The following EEA1 variants were observed in gnomAD, a reference collection of about 807,000 sequenced individuals.
The protein encoded by EEA1 is early endosome antigen 1, also known as early endosome antigen 1, 162kD.
A neutral mutation model predicts 209.2 loss-of-function variants in EEA1; 111 were observed. The ratio of observed to expected loss-of-function variants is 0.53; its 90% CI spans 0.45 to 0.62. The LOEUF is 0.62. EEA1 is among the 20% of genes least tolerant of loss of function. The pLI, the probability that EEA1 is intolerant of heterozygous loss-of-function variation, is 0.00. For synonymous variants in EEA1, 536 were observed against 540.6 expected, an observed-to-expected ratio of 0.99 and a Z score of 0.12; for missense variants, 1,343 against 1,530.8, an observed-to-expected ratio of 0.88 and a Z score of 2.05.
intron 2 of EEA1, among the ~76,000 whole-genome samples, chr12:92,880,350 A>T (rs778331723): frequency 7.2e-5 from 11 of 152,132 alleles, no homozygotes; most frequent in Non-Finnish European, 1.5e-4. Flanking sequence ...TGTCACTCTA[A>T]CTGGAGTGCA....
In EEA1 at chr12:92,802,751, C is replaced by T; in HGVS notation, c.2340-17G>A. Reference sequence around the variant, plus strand: ...CTGGATACTCTAAATATTTAAAAAACAATCTTTTTAAATAACACATAATTT... The same window carrying T: ...CTGGATACTCTAAATATTTAAAAAATAATCTTTTTAAATAACACATAATTT... On this transcript the variant is annotated splice_polypyrimidine_tract_variant and intron_variant, in intron 18 of 28. Coordinates refer to ENST00000322349, the MANE Select transcript of EEA1 (RefSeq NM_003566.4). 1 of 1,492,038 alleles carries T rather than the reference C, an allele frequency of 6.7e-7. No individual in the cohort carries two copies. The highest frequency in any genetic ancestry group is 8.9e-7 in the Non-Finnish European group (1 of 1,118,692). The allele number at this position is 1,492,038 out of a possible 1,614,324, so 92.4% of individuals were successfully genotyped here.
chr12:92,914,174 C>T (rs1391889407), intron 1 of EEA1, among the ~76,000 whole-genome samples: 1 of 152,114 alleles, frequency 6.6e-6, no homozygotes, highest in African/African-American at 2.4e-5. Context: ...CACCCACCAG[C>T]CCATGCCCCC....
chr12:92,814,395 T>C (rs1036569302), intron 15 of EEA1, among the ~76,000 whole-genome samples: 1 of 152,204 alleles, frequency 6.6e-6, no homozygotes, highest in Non-Finnish European at 1.5e-5. Flanking sequence ...TCAGCTTTAT[T>C]TACATACGGC....
At chr12:92,858,998 C>T (rs1878012229) in intron 3 of EEA1, 1 of 683,508 alleles carries the variant, frequency 1.5e-6, no homozygotes, top group Middle Eastern at 2.7e-4. Context: ...GTGGCAAAAT[C>T]CCTTGTTAAA....
In EEA1 at chr12:92,855,147, C is replaced by T. The variant is rs1203004719; in HGVS notation, c.367-1193G>A. 3.3e-5 allele frequency among the ~76,000 whole-genome samples: 5 copies of T among 152,132 alleles called. No homozygotes were observed. In the East Asian group the frequency reaches 9.6e-4, roughly 29 times the overall value. On this transcript the variant is annotated intron_variant, in intron 5 of 28. Transcript: ENST00000322349. ...TTGCATTAGTTAAAACATCCTATCA[C>T]GGCCGGGCGCGGTGGCTCACGCCTG...
intron 8 of EEA1, among the ~76,000 whole-genome samples, chr12:92,851,917 T>C (rs1009794471): frequency 6.6e-6 from 1 of 152,056 alleles, no homozygotes; most frequent in African/African-American, 2.4e-5. Flanking sequence ...GATGCAGATA[T>C]GAAAACTACT....
chr12:92,830,246 T>A (rs185445509), intron 11 of EEA1, among the ~76,000 whole-genome samples: 52 of 152,296 alleles, frequency 3.4e-4, no homozygotes, highest in Non-Finnish European at 5.9e-4. Context: ...CACAGGGGTT[T>A]GGTGTACAGA....
intron 21 of EEA1, 67 bp downstream of exon 21, chr12:92,798,825 A>G (rs1874766480): frequency 7.9e-7 from 1 of 1,260,896 alleles, no homozygotes; most frequent in African/African-American, 1.5e-5. Context: ...ATCTGTATTA[A>G]TCATCATACT....
chr12:92,808,803 A>G (rs1162591206), intron 18 of EEA1, among the ~76,000 whole-genome samples: 1 of 152,228 alleles, frequency 6.6e-6, no homozygotes, highest in Admixed American at 6.5e-5. Flanking sequence ...CAAATTTTAT[A>G]AAACTAAGTT....
chr12:92,780,393 G>T lies in EEA1; in HGVS notation c.3355C>A (p.Leu1119Met), dbSNP rs1264385912. 1 of 1,539,638 alleles carries T rather than the reference G, an allele frequency of 6.5e-7. No homozygotes were observed. The change falls in exon 24 of 29, where the codon CTG (leucine) becomes ATG (methionine). Residue 1119 changes from leucine to methionine, a missense_variant. Leu to Met is a conservative substitution (Grantham distance 15, BLOSUM62 2). Transcript: ENST00000322349. Reference sequence around the variant, plus strand: ...GCCAATTTAGACTTCTCATTTACCAGTTCTTTTTCTTTCAGTGACTGTAGA... The same window carrying T: ...GCCAATTTAGACTTCTCATTTACCATTTCTTTTTCTTTCAGTGACTGTAGA... ...QKEKSLKEKELVNEKSKLAEI... is the reference protein window; with the variant it reads ...QKEKSLKEKEMVNEKSKLAEI...
Position 92,890,761 on chromosome 12 carries a change from T to C in EEA1, c.117+868A>G, listed in dbSNP as rs1448525661. Among the ~76,000 whole-genome samples, 3 of 152,132 alleles carry C rather than the reference T, an allele frequency of 2.0e-5. No homozygotes were observed. The East Asian group carries it at 5.8e-4, about 29-fold the overall frequency. On this transcript the variant is annotated intron_variant, in intron 2 of 28. Coordinates refer to ENST00000322349, the MANE Select transcript of EEA1 (RefSeq NM_003566.4). ...CCTCCCCTCTCGCAAATCTGTAAAA[T>C]CTTACTATGGTTAAAATACATACAC...
At chr12:92,850,005 C>T (rs1400584502) in intron 9 of EEA1, among the ~76,000 whole-genome samples, 2 of 152,244 alleles carry the variant, frequency 1.3e-5, no homozygotes. Flanking sequence ...ATGTATTATA[C>T]ATCTTAGAGT....
intron 2 of EEA1, among the ~76,000 whole-genome samples, chr12:92,876,008 C>T (rs757544619): frequency 1.3e-5 from 2 of 152,158 alleles, no homozygotes; most frequent in Non-Finnish European, 2.9e-5. Context: ...ACCAAGAACA[C>T]TTTATATGCC....
At chr12:92,905,248 C>G (rs571521358) in intron 1 of EEA1, among the ~76,000 whole-genome samples, 1 of 152,226 alleles carries the variant, frequency 6.6e-6, no homozygotes, top group East Asian at 1.9e-4. Context: ...AACAATATTA[C>G]ATCAATATTT....
At chr12:92,871,159 T>C (rs1244761693) in intron 2 of EEA1, among the ~76,000 whole-genome samples, 3 of 152,218 alleles carry the variant, frequency 2.0e-5, no homozygotes, top group Admixed American at 1.3e-4. Flanking sequence ...GCAAAATTGA[T>C]ACAAAATATT....
rs762184163 is a variant in EEA1, at chr12:92,809,022, C to T, written c.2334G>A (p.Lys778=). Residue 778 remains lysine (K), a synonymous_variant, in exon 18 of 29, where the codon AAG becomes AAA. Transcript: ENST00000322349. ...AGTAAAGTGGTTTAGCTTACATTTC[C>T]TTCTCCATTTCAAGTTGTTTACTCA... ...TELSKQLEME[K]EIVSSTRLDL... is the part of the protein sequence containing the mutation. 19 of 1,586,240 alleles carry T rather than the reference C, an allele frequency of 1.2e-5. No homozygotes were observed. In the Admixed American group the frequency reaches 2.0e-4, roughly 16 times the overall value.
chr12:92,862,264 T>C lies in EEA1; in HGVS notation c.245+2596A>G, dbSNP rs192742712. On this transcript the variant is annotated intron_variant, in intron 3 of 28. Transcript: ENST00000322349. ...TAAGCAATGAGAAGCCTGCAAAAAT[T>C]ACTACTTAGAGCAATGCCAATCAAA... 1.3e-3 allele frequency among the ~76,000 whole-genome samples: 194 copies of C among 152,212 alleles called. 2 individuals are homozygous for C. The highest frequency in any genetic ancestry group is 4.2e-3 in the African/African-American group (175 of 41,518).
chr12:92,884,397 T>C, intron 2 of EEA1: 2 of 1,277,658 alleles, frequency 1.6e-6, no homozygotes, highest in Non-Finnish European at 2.2e-6. Context: ...GGAGGTGGTT[T>C]TGGCAGGAAT....
chr12:92,780,338 T>C lies in EEA1; in HGVS notation c.3410A>G (p.Glu1137Gly), dbSNP rs1023235293. 1.2e-6 allele frequency: 2 copies of C among 1,603,766 alleles called. No homozygotes were observed. Among genetic ancestry groups the C allele is most frequent in the African/African-American group, 2.7e-5 (2 of 74,246 alleles). ...TTCGTTTAGTTTAGTGATTTCTTTT[T>C]CTTGTCTACATTTAATTTCTTCTAT... is the stretch of plus-strand genomic sequence containing the variant. ...AEIEEIKCRQ[E>G]KEITKLNEEL... Residue 1137 changes from glutamate (E) to glycine (G), a missense_variant, in exon 24 of 29, where the codon GAA (glutamate) becomes GGA (glycine). Coordinates refer to ENST00000322349, the MANE Select transcript of EEA1 (RefSeq NM_003566.4).
Sources: allele counts gnomAD v4.1 joint callset (sites outside exome capture counted in the v4.1 genomes callset), GRCh38; gene constraint gnomAD v4.1.1; transcripts MANE v1.5; gene names NCBI Gene and HGNC (gene_info 2026-07-23, HGNC 2026-07-21).